Variants in SASH1 observed in about 807,000 individuals in gnomAD.
SASH1 encodes the protein SAM and SH3 domain containing 1.
SASH1 carries 44 observed loss-of-function variants against 125.2 expected under a neutral mutation model. That is an observed-to-expected ratio of 0.35 (90% CI 0.28 to 0.45). The LOEUF (loss-of-function observed/expected upper bound fraction) is 0.45, where lower values mean the gene tolerates loss of function less well. Ranked by LOEUF, SASH1 falls within the 20% of genes least tolerant of loss-of-function variation. The pLI, the probability that SASH1 is intolerant of heterozygous loss-of-function variation, is 1.00. For missense variants in SASH1, 1,426 were observed against 1,614.5 expected (o/e 0.88, Z 2.00); for synonymous variants, 639 against 649.1 (o/e 0.98, Z 0.24).
chr6:148,276,461 C>T (rs545162206), intron 1 of SASH1, among the ~76,000 whole-genome samples: 15 of 152,088 alleles, frequency 9.9e-5, no homozygotes, highest in South Asian at 2.1e-4. Context: ...CAGATCACTT[C>T]GGTGACTAAA....
chr6:148,322,915 T>C (rs1193424382), intron 1 of SASH1, among the ~76,000 whole-genome samples: 1 of 145,484 alleles, frequency 6.9e-6, no homozygotes, highest in Non-Finnish European at 1.5e-5. Flanking sequence ...TCTTTCTTTC[T>C]TTTTTCTTTC....
At chr6:148,448,331 A>C (rs1348936404) in intron 4 of SASH1, among the ~76,000 whole-genome samples, 1 of 151,816 alleles carries the variant, frequency 6.6e-6, no homozygotes, top group Non-Finnish European at 1.5e-5. Flanking sequence ...GTTCTTCCAG[A>C]CTATGTTTCT....
At chr6:148,273,807 T>C (rs568536976) in intron 1 of SASH1, among the ~76,000 whole-genome samples, 30 of 152,322 alleles carry the variant, frequency 2.0e-4, no homozygotes, top group African/African-American at 6.5e-4. Context: ...AAGGCTGCTT[T>C]GCTCACTACT....
intron 1 of SASH1, among the ~76,000 whole-genome samples, chr6:148,326,436 A>T (rs1780832703): frequency 9.9e-6 from 1 of 101,160 alleles, no homozygotes; most frequent in Non-Finnish European, 2.1e-5. Context: ...ACAGGGTCTC[A>T]CTCTGTTGCC....
Position 148,449,078 on chromosome 6 carries a change from C to CTTTTTTTTTTTTTTT in SASH1, c.386+8672_386+8686dup. Reference sequence around the variant, plus strand: ...GAGACTGGCTAATTTCATTTCATTTCTTTTTTTTTTTTTTTGGAGACAGAG... The same window carrying CTTTTTTTTTTTTTTT: ...GAGACTGGCTAATTTCATTTCATTTCTTTTTTTTTTTTTTTTTTTTTTTTTTTTTTGGAGACAGAG... On this transcript the variant is annotated intron_variant, in intron 4 of 19. Transcript: ENST00000367467. Among the ~76,000 whole-genome samples the CTTTTTTTTTTTTTTT allele has an allele frequency of 7.3e-4, 65 of 88,666 alleles. 4 individuals carry two copies. Among genetic ancestry groups the CTTTTTTTTTTTTTTT allele is most frequent in the Non-Finnish European group, 1.1e-3 (46 of 43,404 alleles). The allele number at this position is 88,666 out of a possible 152,430, so 58.2% of individuals were successfully genotyped here.
At chr6:148,220,787 G>A in the SASH1 span, among the ~76,000 whole-genome samples, 1 of 152,140 alleles carries the variant, frequency 6.6e-6, no homozygotes, top group African/African-American at 2.4e-5. Flanking sequence ...GGTGGCACGC[G>A]CCTGTAGTCC....
chr6:148,472,085 C>G (rs919716735), intron 6 of SASH1, among the ~76,000 whole-genome samples: 4 of 152,136 alleles, frequency 2.6e-5, no homozygotes, highest in African/African-American at 9.7e-5. Context: ...CTTTGAGGCT[C>G]AGTTACATAA....
upstream of SASH1, among the ~76,000 whole-genome samples, chr6:148,341,048 T>A (rs1001988199): frequency 6.6e-6 from 1 of 152,164 alleles, no homozygotes; most frequent in Non-Finnish European, 1.5e-5. Context: ...GGCAGGAGGA[T>A]TGCTTGAGCC....
chr6:148,236,735 C>T, the SASH1 span, among the ~76,000 whole-genome samples: 11 of 152,246 alleles, frequency 7.2e-5, no homozygotes, highest in Non-Finnish European at 1.3e-4. Context: ...GCCTGCTGGG[C>T]CAATGACACA....
chr6:148,511,390 T>G (rs1780127456), intron 8 of SASH1, among the ~76,000 whole-genome samples: 1 of 150,140 alleles, frequency 6.7e-6, no homozygotes, highest in Admixed American at 6.6e-5. Flanking sequence ...ATGACCTGGA[T>G]TTTATATTGC....
chr6:148,458,179 A>G (rs1309577588), intron 4 of SASH1, among the ~76,000 whole-genome samples: 2 of 152,236 alleles, frequency 1.3e-5, no homozygotes, highest in Admixed American at 6.5e-5. Context: ...TTAGTATGGA[A>G]CTTTCTTCCT....
intron 8 of SASH1, among the ~76,000 whole-genome samples, chr6:148,502,489 T>G (rs1440340916): frequency 1.3e-5 from 2 of 152,198 alleles, no homozygotes; most frequent in Non-Finnish European, 2.9e-5. Context: ...GAATAACACA[T>G]TAACCTGATG....
the SASH1 span, among the ~76,000 whole-genome samples, chr6:148,218,850 A>G: frequency 3.3e-5 from 5 of 152,218 alleles, no homozygotes; most frequent in African/African-American, 1.2e-4. Flanking sequence ...TGCCTGCCTC[A>G]GAAAGGATTT....
At chr6:148,319,980 C>T (rs1404814450) in intron 1 of SASH1, among the ~76,000 whole-genome samples, 1 of 152,190 alleles carries the variant, frequency 6.6e-6, no homozygotes, top group Admixed American at 6.5e-5. Context: ...TGACTATCAC[C>T]ATACTGCTGT....
At chr6:148,317,706 T>G (rs376401940) in intron 1 of SASH1, among the ~76,000 whole-genome samples, 1 of 152,210 alleles carries the variant, frequency 6.6e-6, no homozygotes, top group African/African-American at 2.4e-5. Flanking sequence ...ATTACAGTCG[T>G]GAGCCACGGC....
At chr6:148,243,011 T>C in the SASH1 span, among the ~76,000 whole-genome samples, 1 of 152,160 alleles carries the variant, frequency 6.6e-6, no homozygotes, top group Admixed American at 6.5e-5. Context: ...GCTGATTGTA[T>C]GGGAGAATTA....
the SASH1 span, among the ~76,000 whole-genome samples, chr6:148,239,072 A>C: frequency 6.6e-6 from 1 of 152,264 alleles, no homozygotes; most frequent in East Asian, 1.9e-4. Flanking sequence ...GGGACATTAG[A>C]GTTACTGAAA....
At chr6:148,390,737 A>G (rs9498032) in intron 2 of SASH1, among the ~76,000 whole-genome samples, 7,038 of 151,910 alleles carry the variant, frequency 0.046, 555 homozygotes, top group African/African-American at 0.16. Flanking sequence ...GCAGTGAGCC[A>G]AGATCACGCC....
chr6:148,428,341 C>T (rs2114968113), intron 2 of SASH1, among the ~76,000 whole-genome samples: 1 of 151,384 alleles, frequency 6.6e-6, no homozygotes, highest in South Asian at 2.1e-4. Flanking sequence ...AGAATATAAA[C>T]TATCAGGCCG....
Sources: allele counts gnomAD v4.1 joint callset (sites outside exome capture counted in the v4.1 genomes callset), GRCh38; gene constraint gnomAD v4.1.1; transcripts MANE v1.5; gene names NCBI Gene and HGNC (gene_info 2026-07-23, HGNC 2026-07-21).